INPP4B: variants seen among roughly 807,000 people sequenced by gnomAD.
INPP4B encodes the protein inositol polyphosphate 4-phosphatase type II.
INPP4B carries 55 observed loss-of-function variants against 122.5 expected under a neutral mutation model. That is an observed-to-expected ratio of 0.45 (90% CI 0.36 to 0.56). The LOEUF (loss-of-function observed/expected upper bound fraction) is 0.56, where lower values mean the gene tolerates loss of function less well. Among genes scored for constraint, INPP4B ranks in the 20% least tolerant of loss-of-function variants. INPP4B has a pLI of 0.00. For missense variants in INPP4B, 1,000 were observed against 1,097.7 expected (o/e 0.91, Z 1.26); for synonymous variants, 403 against 388.7 (o/e 1.04, Z -0.43).
At chr4:142,129,528 T>C (rs899373286) in intron 18 of INPP4B, among the ~76,000 whole-genome samples, 1 of 152,194 alleles carries the variant, frequency 6.6e-6, no homozygotes, top group African/African-American at 2.4e-5. Context: ...TCGCCAACTT[T>C]GGTCATAGAC....
intron 1 of INPP4B, among the ~76,000 whole-genome samples, chr4:142,769,998 C>G (rs1384216685): frequency 6.6e-6 from 1 of 152,166 alleles, no homozygotes. Context: ...ATTGACAAAT[C>G]TGTTTTTCTT....
rs1415844691 is a variant in INPP4B at position 142,719,691 on chromosome 4, A to AT, written c.-191+6147dup. ...ACTAATTCTTAAAAACTAAAAAATTATATGTACTATAATCCATGGAAAATA... is the reference window on the plus strand; with the variant it reads ...ACTAATTCTTAAAAACTAAAAAATTATTATGTACTATAATCCATGGAAAATA... On this transcript the variant is annotated intron_variant, in intron 2 of 25. Transcript: ENST00000262992. Among the ~76,000 whole-genome samples, 5 of 152,294 alleles carry AT rather than the reference A, an allele frequency of 3.3e-5. No homozygotes were observed. The East Asian group carries it at 9.7e-4, about 29-fold the overall frequency.
intron 14 of INPP4B, among the ~76,000 whole-genome samples, chr4:142,194,835 G>A (rs552245351): frequency 1.3e-5 from 2 of 152,272 alleles, no homozygotes; most frequent in East Asian, 1.9e-4. Flanking sequence ...GCTAAAAGTG[G>A]TAAGCATTTA....
intron 2 of INPP4B, among the ~76,000 whole-genome samples, chr4:142,557,023 G>A (rs1729354023): frequency 6.6e-6 from 1 of 152,114 alleles, no homozygotes; most frequent in Non-Finnish European, 1.5e-5. Flanking sequence ...AGGACCAGTA[G>A]CCAACCTCCA....
At chr4:142,221,389 CAAAAAAAAAAAAAAAA>C (rs570703001) in intron 12 of INPP4B, among the ~76,000 whole-genome samples, 1 of 28,554 alleles carries the variant, frequency 3.5e-5, no homozygotes, top group African/African-American at 1.5e-4. Context: ...GACTCCTTCT[CAAAAAAAAAAAAAAAA>C]AAAAAAAAAA....
At chr4:142,297,714 A>T (rs774625087) in intron 9 of INPP4B, among the ~76,000 whole-genome samples, 12 of 152,206 alleles carry the variant, frequency 7.9e-5, no homozygotes, top group Non-Finnish European at 1.5e-4. Context: ...GCCCAGCCTC[A>T]AGTATTTCTT....
At chr4:142,277,393 G>A (rs2172022) in intron 9 of INPP4B, among the ~76,000 whole-genome samples, 150,991 of 151,980 alleles carry the variant, frequency 0.99, 75,009 homozygotes, top group Middle Eastern at 1. Context: ...AAAGTAATAG[G>A]TGTTGACGTG....
intron 23 of INPP4B, among the ~76,000 whole-genome samples, chr4:142,104,723 A>T (rs1350931238): frequency 6.6e-6 from 1 of 152,096 alleles, no homozygotes; most frequent in Non-Finnish European, 1.5e-5. Context: ...AGATACCAAA[A>T]TCACAGATGC....
chr4:142,605,980 T>C (rs1377383699), intron 2 of INPP4B, among the ~76,000 whole-genome samples: 1 of 151,994 alleles, frequency 6.6e-6, no homozygotes, highest in African/African-American at 2.4e-5. Context: ...ATAGCAAAGA[T>C]ACTGAATCAA....
chr4:142,836,323 C>T (rs1782765471), intron 1 of INPP4B, among the ~76,000 whole-genome samples: 1 of 151,718 alleles, frequency 6.6e-6, no homozygotes, highest in African/African-American at 2.4e-5. Flanking sequence ...GGTATCAATC[C>T]TATCAGATAT....
chr4:142,779,078 G>A (rs1774377559), intron 1 of INPP4B, among the ~76,000 whole-genome samples: 1 of 151,924 alleles, frequency 6.6e-6, no homozygotes, highest in South Asian at 2.1e-4. Flanking sequence ...CATAAATAGT[G>A]TTAACATGCC....
chr4:142,039,431 T>C (rs749546228), intron 25 of INPP4B, among the ~76,000 whole-genome samples: 3 of 152,116 alleles, frequency 2.0e-5, no homozygotes, highest in Non-Finnish European at 2.9e-5. Context: ...TCCGAGAAAA[T>C]AGGAATATCC....
intron 2 of INPP4B, among the ~76,000 whole-genome samples, chr4:142,651,441 T>C (rs1473779015): frequency 2.0e-5 from 3 of 152,098 alleles, no homozygotes; most frequent in African/African-American, 4.8e-5. Context: ...AGCTGGATTT[T>C]TGAAAACATC....
intron 2 of INPP4B, among the ~76,000 whole-genome samples, chr4:142,545,765 G>GTGTGTATGTATATACACATA (rs1829534857): frequency 1.6e-5 from 2 of 125,050 alleles, no homozygotes; most frequent in East Asian, 4.3e-4. Flanking sequence ...ACATGTATAT[G>GTGTGTATGTATATACACATA]TGTGTATATA....
intron 4 of INPP4B, among the ~76,000 whole-genome samples, chr4:142,430,212 A>C (rs951779667): frequency 6.6e-6 from 1 of 152,074 alleles, no homozygotes; most frequent in African/African-American, 2.4e-5. Flanking sequence ...TTGCACAGTA[A>C]CTATATTTTT....
At chr4:142,129,948 C>T (rs1192945473) in intron 18 of INPP4B, among the ~76,000 whole-genome samples, 1 of 152,040 alleles carries the variant, frequency 6.6e-6, no homozygotes, top group African/African-American at 2.4e-5. Flanking sequence ...ACTCATGCCC[C>T]CTCCTTCAAG....
intron 14 of INPP4B, among the ~76,000 whole-genome samples, chr4:142,198,696 C>T (rs1465920556): frequency 6.6e-6 from 1 of 151,936 alleles, no homozygotes; most frequent in Non-Finnish European, 1.5e-5. Context: ...CCTTGAATTA[C>T]TTATAGTTTG....
intron 14 of INPP4B, among the ~76,000 whole-genome samples, chr4:142,205,611 G>A (rs1842291028): frequency 6.6e-6 from 1 of 151,996 alleles, no homozygotes; most frequent in Non-Finnish European, 1.5e-5. Context: ...CATTCTATGT[G>A]TTTTACATAC....
chr4:142,408,359 C>T (rs530610627), intron 5 of INPP4B, among the ~76,000 whole-genome samples: 1 of 152,122 alleles, frequency 6.6e-6, no homozygotes, highest in East Asian at 1.9e-4. Flanking sequence ...TCCAGACCAG[C>T]CTGGCCAACA....
Sources: allele counts gnomAD v4.1 joint callset (sites outside exome capture counted in the v4.1 genomes callset), GRCh38; gene constraint gnomAD v4.1.1; transcripts MANE v1.5; gene names NCBI Gene and HGNC (gene_info 2026-07-23, HGNC 2026-07-21).